Variants in GPR137C observed in about 807,000 individuals in gnomAD.
The protein encoded by GPR137C is integral membrane protein GPR137C.
GPR137C carries 27 observed loss-of-function variants against 43.4 expected under a neutral mutation model. The ratio of observed to expected loss-of-function variants is 0.62; its 90% CI spans 0.46 to 0.86. GPR137C has a LOEUF of 0.86. Ranked by LOEUF, GPR137C falls within the 40% of genes least tolerant of loss-of-function variation. GPR137C has a pLI of 0.00. For synonymous variants in GPR137C, 285 were observed against 226.9 expected (o/e 1.26, Z -2.30); for missense variants, 522 against 534.6 (o/e 0.98, Z 0.23).
At chr14:52,588,422 G>A (rs1049570497) in intron 1 of GPR137C, among the ~76,000 whole-genome samples, 23 of 152,270 alleles carry the variant, frequency 1.5e-4, no homozygotes, top group African/African-American at 4.8e-4. Context: ...TGGGATTACA[G>A]GCATGAGCCA....
At position 52,623,875 on chromosome 14, in the gene GPR137C, T is replaced by C. The variant is rs202212136; in HGVS notation, c.718-8285T>C. ...TTACCATTTTAACCATTATTAAGCATAGTCAGTGTCAAGTATAGTTCATTA... is the reference window on the plus strand; with the variant it reads ...TTACCATTTTAACCATTATTAAGCACAGTCAGTGTCAAGTATAGTTCATTA... On this transcript the variant is annotated intron_variant, in intron 3 of 6. Coordinates refer to ENST00000321662, the MANE Select transcript of GPR137C (RefSeq NM_001099652.2). Among the ~76,000 whole-genome samples, 3 of 151,976 alleles carry C rather than the reference T, an allele frequency of 2.0e-5. No individual in the cohort carries two copies. The East Asian group carries it at 5.8e-4, about 29-fold the overall frequency.
intron 3 of GPR137C, among the ~76,000 whole-genome samples, chr14:52,617,727 A>G (rs574970948): frequency 6.6e-6 from 1 of 152,118 alleles, no homozygotes; most frequent in Non-Finnish European, 1.5e-5. Flanking sequence ...GATCAGAGAG[A>G]TAAGGATGTA....
At chr14:52,577,738 G>A (rs1304414674) in intron 1 of GPR137C, among the ~76,000 whole-genome samples, 4 of 150,822 alleles carry the variant, frequency 2.7e-5, no homozygotes, top group South Asian at 4.2e-4. Flanking sequence ...TGAGGCAGGC[G>A]GATCGCTTGA....
At chr14:52,600,917 T>C (rs1019243390) in intron 3 of GPR137C, among the ~76,000 whole-genome samples, 1 of 152,188 alleles carries the variant, frequency 6.6e-6, no homozygotes, top group African/African-American at 2.4e-5. Flanking sequence ...TTTTTATTTG[T>C]ATAAAGGTTA....
In GPR137C at chr14:52,624,428, A is replaced by G. The variant is rs184108885; in HGVS notation, c.718-7732A>G. Among the ~76,000 whole-genome samples the G allele has an allele frequency of 1.4e-3, 219 of 152,254 alleles. 3 individuals are homozygous for G. Among genetic ancestry groups the G allele is most frequent in the Middle Eastern group, 6.8e-3 (2 of 294 alleles). ...GTAGTGGGAGTGTGTGGAGTAGGAA[A>G]AAGTAAGCCCAAAGTAAGTAATAGA... On this transcript the variant is annotated intron_variant, in intron 3 of 6. Coordinates refer to ENST00000321662, the MANE Select transcript of GPR137C (RefSeq NM_001099652.2).
intron 1 of GPR137C, among the ~76,000 whole-genome samples, chr14:52,573,627 A>T (rs535056081): frequency 1.1e-3 from 162 of 152,328 alleles, no homozygotes; most frequent in African/African-American, 3.7e-3. Flanking sequence ...ACCCAAGAAG[A>T]AAACCTAGGC....
chr14:52,580,264 A>C (rs1021391671), intron 1 of GPR137C, among the ~76,000 whole-genome samples: 1 of 152,240 alleles, frequency 6.6e-6, no homozygotes, highest in African/African-American at 2.4e-5. Flanking sequence ...GAATCATCAA[A>C]ATTCATTTGA....
chr14:52,553,798 G>C (rs2038141633), intron 1 of GPR137C, among the ~76,000 whole-genome samples: 1 of 152,170 alleles, frequency 6.6e-6, no homozygotes, highest in South Asian at 2.1e-4. Flanking sequence ...TGAGGGGTTC[G>C]GGCTAGGGGG....
intron 3 of GPR137C, among the ~76,000 whole-genome samples, chr14:52,624,697 C>T (rs1390304476): frequency 7.0e-6 from 1 of 143,570 alleles, no homozygotes; most frequent in Non-Finnish European, 1.5e-5. Flanking sequence ...GCACTCCATC[C>T]AACGCAACAG....
In GPR137C at chr14:52,608,878, G is replaced by C. The variant is rs77507465; in HGVS notation, c.717+8537G>C. The stretch of plus-strand genomic sequence containing the variant: ...GATCTTCTCTTTGTCTTTCACCTTT[G>C]GGAGTTTGATTATATGTCTTAGAGT... On this transcript the variant is annotated intron_variant, in intron 3 of 6. Coordinates refer to ENST00000321662, the MANE Select transcript of GPR137C (RefSeq NM_001099652.2). Among the ~76,000 whole-genome samples the C allele has an allele frequency of 6.2e-3, 948 of 152,116 alleles. 7 individuals carry two copies. Among genetic ancestry groups the C allele is most frequent in the African/African-American group, 0.021 (878 of 41,506 alleles).
chr14:52,557,906 C>T (rs575188954), intron 1 of GPR137C, among the ~76,000 whole-genome samples: 3 of 152,272 alleles, frequency 2.0e-5, no homozygotes, highest in Admixed American at 6.5e-5. Context: ...CTTGCTTTCC[C>T]GTTTTTCACA....
chr14:52,580,353 G>A (rs1190225160), intron 1 of GPR137C, among the ~76,000 whole-genome samples: 1 of 149,492 alleles, frequency 6.7e-6, no homozygotes, highest in African/African-American at 2.5e-5. Context: ...AGAGAGAAGA[G>A]ACTAAAAGAA....
intron 1 of GPR137C, among the ~76,000 whole-genome samples, chr14:52,589,683 G>T (rs1038706504): frequency 2.0e-5 from 3 of 152,102 alleles, no homozygotes; most frequent in Non-Finnish European, 2.9e-5. Flanking sequence ...GTCAGGCACC[G>T]CATAACAACG....
intron 1 of GPR137C, among the ~76,000 whole-genome samples, chr14:52,588,783 T>C (rs1164321884): frequency 6.6e-6 from 1 of 152,238 alleles, no homozygotes; most frequent in Non-Finnish European, 1.5e-5. Flanking sequence ...CATGATAGTA[T>C]ACATATTCAG....
At chr14:52,573,220 T>C (rs1463292515) in intron 1 of GPR137C, among the ~76,000 whole-genome samples, 1 of 152,130 alleles carries the variant, frequency 6.6e-6, no homozygotes, top group Non-Finnish European at 1.5e-5. Context: ...TAGAACAAAC[T>C]ATTTTAAATT....
chr14:52,607,916 A>G (rs1332089969), intron 3 of GPR137C, among the ~76,000 whole-genome samples: 1 of 151,718 alleles, frequency 6.6e-6, no homozygotes, highest in African/African-American at 2.4e-5. Flanking sequence ...TTTATCTGAT[A>G]TGAATATAGC....
chr14:52,577,516 G>GCGAGCACACACACACA (rs369713179), intron 1 of GPR137C, among the ~76,000 whole-genome samples: 1 of 145,408 alleles, frequency 6.9e-6, no homozygotes, highest in Non-Finnish European at 1.5e-5. Flanking sequence ...GCGCGCGCGC[G>GCGAGCACACACACACA]CACACACACA....
chr14:52,634,742 C>A (rs964064942), intron 6 of GPR137C, among the ~76,000 whole-genome samples, 196 bp from the exon 7 acceptor site: 1 of 151,788 alleles, frequency 6.6e-6, no homozygotes, highest in Non-Finnish European at 1.5e-5. Flanking sequence ...TAACATACTG[C>A]GATATAGAAT....
chr14:52,557,309 T>C (rs1367223543), intron 1 of GPR137C, among the ~76,000 whole-genome samples: 2 of 152,188 alleles, frequency 1.3e-5, no homozygotes, highest in Non-Finnish European at 2.9e-5. Context: ...ACATTTGAGG[T>C]AAATTATGTA....
Sources: allele counts gnomAD v4.1 joint callset (sites outside exome capture counted in the v4.1 genomes callset), GRCh38; gene constraint gnomAD v4.1.1; transcripts MANE v1.5; gene names NCBI Gene and HGNC (gene_info 2026-07-23, HGNC 2026-07-21).